Variants in ABHD3 observed in about 807,000 individuals in gnomAD.
The protein encoded by ABHD3 is abhydrolase domain containing 3, phospholipase.
In ABHD3, 46 loss-of-function variants were observed where a neutral mutation model predicts 48.8. The ratio of observed to expected loss-of-function variants is 0.94; its 90% confidence interval spans 0.74 to 1.20. The LOEUF is 1.20. ABHD3 is among the 50% of genes most tolerant of loss of function. The probability of loss-of-function intolerance (pLI) is 0.00; values close to 1 mark genes in which losing one functional copy is unlikely to be tolerated. For missense variants in ABHD3, 490 were observed against 497.8 expected, an observed-to-expected ratio of 0.98 and a Z score of 0.15; for synonymous variants, 192 against 183.7, an observed-to-expected ratio of 1.04 and a Z score of -0.36.
chr18:21,703,900 G>C (rs2040573644), intron 1 of ABHD3, 153 bp from the exon 2 acceptor site: 5 of 748,982 alleles, frequency 6.7e-6, no homozygotes, highest in East Asian at 2.7e-5. Context: ...AGTCACAGAG[G>C]ACTGAAACGG....
chr18:21,660,769 T>G (rs2039474538), intron 5 of ABHD3, among the ~76,000 whole-genome samples: 1 of 152,182 alleles, frequency 6.6e-6, no homozygotes, highest in Non-Finnish European at 1.5e-5. Context: ...ACAACTGAAC[T>G]ATCTGTATAC....
At chr18:21,691,093 TAAATAAAG>T (rs2040242475) in intron 3 of ABHD3, among the ~76,000 whole-genome samples, 1 of 150,200 alleles carries the variant, frequency 6.7e-6, no homozygotes, top group East Asian at 2.0e-4. Context: ...AGTTAAAGTG[TAAATAAAG>T]ATATATCACA....
chr18:21,663,758 C>T lies in ABHD3; in HGVS notation c.668+360G>A, dbSNP rs775825550. The T allele has an allele frequency of 4.6e-5, 71 of 1,535,336 alleles. No homozygotes were observed. The African/African-American group carries it at 8.5e-4, about 18-fold the overall frequency. ...TTTCTGTAACTGGAGTGATGAAAGT[C>T]ATGCTACAAGTTCAGCTTCAGAACG... On this transcript the variant is annotated intron_variant, in intron 5 of 8. Coordinates refer to ENST00000289119, the MANE Select transcript of ABHD3 (RefSeq NM_138340.5).
At chr18:21,659,518 T>C (rs2039435335) in intron 5 of ABHD3, among the ~76,000 whole-genome samples, 175 bp from the exon 6 acceptor site, 2 of 152,250 alleles carry the variant, frequency 1.3e-5, no homozygotes, top group African/African-American at 2.4e-5. Context: ...TATTCATATA[T>C]TTATTTGTCT....
chr18:21,679,790 G>A (rs2039966146), intron 4 of ABHD3, among the ~76,000 whole-genome samples: 1 of 152,158 alleles, frequency 6.6e-6, no homozygotes, highest in South Asian at 2.1e-4. Flanking sequence ...CTCCCAAAGT[G>A]CTGGAATTAC....
intron 4 of ABHD3, among the ~76,000 whole-genome samples, chr18:21,677,517 T>G (rs1267747878): frequency 6.6e-6 from 1 of 152,076 alleles, no homozygotes; most frequent in Non-Finnish European, 1.5e-5. Flanking sequence ...ACTTCATTCC[T>G]TTTTAATGTG....
chr18:21,689,645 C>T (rs1028788532), intron 3 of ABHD3, among the ~76,000 whole-genome samples: 1 of 127,862 alleles, frequency 7.8e-6, no homozygotes, highest in African/African-American at 3.1e-5. Flanking sequence ...AGTTGAAAAA[C>T]AAGCAGAAAA....
chr18:21,699,233 A>G (rs1268854355), intron 3 of ABHD3, among the ~76,000 whole-genome samples: 2 of 152,160 alleles, frequency 1.3e-5, no homozygotes, highest in African/African-American at 4.8e-5. Flanking sequence ...CACTCTAACT[A>G]AACCCTGTGA....
Position 21,683,920 on chromosome 18 carries a change from C to T in ABHD3, c.555G>A (p.Leu185=), listed in dbSNP as rs562863991. Residue 185 remains leucine (L), a splice_region_variant and synonymous_variant, in exon 4 of 9, where the codon TTG becomes TTA. Transcript: ENST00000289119. The stretch of plus-strand genomic sequence containing the variant: ...ACTGTTGTCATTTAAATTTACTTAC[C>T]AAGAGATTCTCCCCCGCCACTCCTC... ...NNRGVAGENL[L]TPRTYCCANT... is the part of the protein sequence containing the mutation. The T allele has an allele frequency of 6.3e-6, 10 of 1,589,980 alleles. No homozygotes were observed. In the East Asian group the frequency reaches 1.4e-4, roughly 22 times the overall value.
chr18:21,690,966 G>T (rs1175875494), intron 3 of ABHD3, among the ~76,000 whole-genome samples: 2 of 132,054 alleles, frequency 1.5e-5, no homozygotes, highest in Non-Finnish European at 3.1e-5. Flanking sequence ...TTGTACTCCA[G>T]CCCAGGTCGA....
intron 3 of ABHD3, among the ~76,000 whole-genome samples, chr18:21,694,857 C>T (rs1409481171): frequency 2.6e-5 from 4 of 152,134 alleles, no homozygotes; most frequent in Non-Finnish European, 5.9e-5. Flanking sequence ...TCTACTCCTT[C>T]CCTCCATAAA....
At chr18:21,687,212 T>C (rs952302664) in intron 3 of ABHD3, among the ~76,000 whole-genome samples, 1 of 151,540 alleles carries the variant, frequency 6.6e-6, no homozygotes, top group Non-Finnish European at 1.5e-5. Flanking sequence ...GCCCAGCCTG[T>C]TTTTATTTTT....
chr18:21,657,202 T>C, intron 6 of ABHD3, 50 bp from the exon 7 acceptor site: 1 of 1,534,076 alleles, frequency 6.5e-7, no homozygotes, highest in Non-Finnish European at 8.8e-7. Flanking sequence ...TCCTACTCCA[T>C]CATACTAAAA....
At chr18:21,676,534 G>A (rs1028057499) in intron 4 of ABHD3, among the ~76,000 whole-genome samples, 6 of 152,186 alleles carry the variant, frequency 3.9e-5, no homozygotes, top group Non-Finnish European at 1.5e-5. Context: ...GGGATTACAG[G>A]CATGCGCCAC....
At chr18:21,657,502 C>G (rs2039385642) in intron 6 of ABHD3, among the ~76,000 whole-genome samples, 2 of 151,860 alleles carry the variant, frequency 1.3e-5, no homozygotes, top group South Asian at 4.1e-4. Flanking sequence ...CCACACCCCA[C>G]CAATTTTGTG....
At position 21,677,770 on chromosome 18, in the gene ABHD3, AC is replaced by A. The variant is rs571050072; in HGVS notation, c.555+6149del. ...GTGATCTCGGCTCACTGCAACCTCC[AC>A]CTCCCGGGTTCAAGCGATTCCCCTG... On this transcript the variant is annotated intron_variant, in intron 4 of 8. Coordinates refer to ENST00000289119, the MANE Select transcript of ABHD3 (RefSeq NM_138340.5). Among the ~76,000 whole-genome samples, 322 of 149,996 alleles carry A rather than the reference AC, an allele frequency of 2.1e-3. 4 individuals are homozygous for A. The highest frequency in any genetic ancestry group is 7.6e-3 in the African/African-American group (310 of 40,798).
chr18:21,702,373 G>T lies in ABHD3; in HGVS notation c.452C>A (p.Thr151Lys). ...ATGAAGGATATATGACTCCTTGCTT[G>T]TTCCCGTGAGGCCAGGCAACAATAA... The part of the protein sequence containing the change: ...TILLLPGLTG[T>K]SKESYILHMI... Residue 151 changes from threonine (T) to lysine (K), a missense_variant, in exon 3 of 9, where the codon ACA becomes AAA. Thr to Lys is a moderately conservative substitution (Grantham distance 78). Coordinates refer to ENST00000289119, the MANE Select transcript of ABHD3 (RefSeq NM_138340.5). 6.2e-7 allele frequency: 1 copy of T among 1,613,912 alleles called. No homozygotes were observed. The highest frequency in any genetic ancestry group is 8.5e-7 in the Non-Finnish European group (1 of 1,179,886).
intron 8 of ABHD3, among the ~76,000 whole-genome samples, chr18:21,652,421 GAAGAAA>G (rs562573201): frequency 1.6e-4 from 24 of 150,984 alleles, no homozygotes; most frequent in Admixed American, 1.3e-3. Flanking sequence ...AAGACAAAAA[GAAGAAA>G]AAGAAAAAGA....
chr18:21,703,505 C>T (rs2040561908), intron 2 of ABHD3, 79 bp downstream of exon 2: 1 of 1,524,544 alleles, frequency 6.6e-7, no homozygotes, highest in South Asian at 1.2e-5. Flanking sequence ...TTCTATTAAC[C>T]AAGAACTGGG....
Sources: allele counts gnomAD v4.1 joint callset (sites outside exome capture counted in the v4.1 genomes callset), GRCh38; gene constraint gnomAD v4.1.1; transcripts MANE v1.5; gene names NCBI Gene and HGNC (gene_info 2026-07-23, HGNC 2026-07-21).